Variants in KIAA0825 observed in about 807,000 individuals in gnomAD.
The protein encoded by KIAA0825 is KIAA0825.
In KIAA0825, 119 loss-of-function variants were observed where a neutral mutation model predicts 147.6. That is an observed-to-expected ratio of 0.81 (90% confidence interval 0.69 to 0.94). The LOEUF is 0.94. KIAA0825 is among the 40% of genes least tolerant of loss of function. The pLI, the probability that KIAA0825 is intolerant of heterozygous loss-of-function variation, is 0.00. For synonymous variants in KIAA0825, 470 were observed against 518.1 expected (o/e 0.91, Z 1.26); for missense variants, 1,381 against 1,472.7 (o/e 0.94, Z 1.02).
intron 20 of KIAA0825, among the ~76,000 whole-genome samples, chr5:94,337,794 G>A (rs1781965591): frequency 6.6e-6 from 1 of 152,182 alleles, no homozygotes; most frequent in Non-Finnish European, 1.5e-5. Context: ...TGGAGCTACA[G>A]GCAGGGCAGC....
intron 20 of KIAA0825, among the ~76,000 whole-genome samples, chr5:94,207,904 C>T (rs1245577589): frequency 1.3e-5 from 2 of 152,084 alleles, no homozygotes; most frequent in Admixed American, 1.3e-4. Flanking sequence ...AGATATTAGT[C>T]TTAAGTTAGG....
intron 20 of KIAA0825, among the ~76,000 whole-genome samples, chr5:94,281,198 A>AACACAT (rs1777447198): frequency 6.9e-6 from 1 of 145,024 alleles, no homozygotes; most frequent in Non-Finnish European, 1.5e-5. Context: ...TAAGTGATTT[A>AACACAT]ACACACACAC....
chr5:94,302,818 A>G (rs1032220472), intron 20 of KIAA0825, among the ~76,000 whole-genome samples: 3 of 152,054 alleles, frequency 2.0e-5, no homozygotes, highest in African/African-American at 4.8e-5. Flanking sequence ...CAAAGTTCTT[A>G]TTTTTAGCTT....
chr5:94,552,534 T>C (rs1322623243), intron 2 of KIAA0825, among the ~76,000 whole-genome samples: 1 of 152,120 alleles, frequency 6.6e-6, no homozygotes, highest in East Asian at 1.9e-4. Flanking sequence ...CAAAATATTT[T>C]AATAATTGAA....
chr5:94,408,330 T>A (rs1752333216), intron 15 of KIAA0825, among the ~76,000 whole-genome samples: 1 of 151,670 alleles, frequency 6.6e-6, no homozygotes, highest in Non-Finnish European at 1.5e-5. Flanking sequence ...CTTTTTTAAA[T>A]TTTATTTTAT....
chr5:94,466,426 A>G (rs1760506587), intron 10 of KIAA0825, among the ~76,000 whole-genome samples: 1 of 152,192 alleles, frequency 6.6e-6, no homozygotes, highest in Non-Finnish European at 1.5e-5. Flanking sequence ...TTAGATGTGC[A>G]TCTAAACTCT....
intron 1 of KIAA0825, chr5:94,593,878 C>A: frequency 7.7e-6 from 3 of 389,534 alleles, no homozygotes; most frequent in East Asian, 6.5e-5. Context: ...CTGCTATTTC[C>A]CTGCTCCCTT....
intron 15 of KIAA0825, among the ~76,000 whole-genome samples, chr5:94,404,362 A>C (rs1421318043): frequency 6.6e-6 from 1 of 152,168 alleles, no homozygotes; most frequent in Non-Finnish European, 1.5e-5. Flanking sequence ...ACATATATAA[A>C]ATAATTAAAA....
intron 20 of KIAA0825, among the ~76,000 whole-genome samples, chr5:94,297,352 T>G (rs925630306): frequency 1.2e-4 from 18 of 152,332 alleles, no homozygotes; most frequent in South Asian, 2.1e-4. Flanking sequence ...TACTTCAATG[T>G]CTTCTTCTAT....
At chr5:94,409,399 T>C (rs1752479417) in intron 15 of KIAA0825, among the ~76,000 whole-genome samples, 1 of 152,164 alleles carries the variant, frequency 6.6e-6, no homozygotes, top group Non-Finnish European at 1.5e-5. Context: ...CTGAATGTAC[T>C]TTCAGGATCC....
In KIAA0825 at chr5:94,473,365, A is replaced by C. The variant is rs141130352; in HGVS notation, c.1382T>G (p.Leu461Arg). Reference protein sequence around the residue: ...RSSAVSYAMNLVNVQQVWQDS... With the variant: ...RSSAVSYAMNRVNVQQVWQDS... Reference sequence around the variant, plus strand: ...TTGCCAAACTTGCTGGACATTTACAAGGTTCATAGCATAGCTCACAGCTGA... The same window carrying C: ...TTGCCAAACTTGCTGGACATTTACACGGTTCATAGCATAGCTCACAGCTGA... The change falls in exon 8 of 21, where the codon CTT (leucine) becomes CGT (arginine). Residue 461 changes from leucine to arginine, a missense_variant. Transcript: ENST00000682413. 6.4e-7 allele frequency: 1 copy of C among 1,551,938 alleles called. No homozygotes were observed. The highest frequency in any genetic ancestry group is 1.4e-5 in the African/African-American group (1 of 73,190).
chr5:94,241,599 A>G (rs13157152), intron 20 of KIAA0825, among the ~76,000 whole-genome samples: 1,756 of 152,350 alleles, frequency 0.012, 16 homozygotes, highest in Non-Finnish European at 0.018. Context: ...ATGAATCATC[A>G]TCTTTTTTCT....
intron 20 of KIAA0825, among the ~76,000 whole-genome samples, chr5:94,195,386 T>C (rs1009350939): frequency 2.0e-5 from 3 of 152,174 alleles, no homozygotes; most frequent in Non-Finnish European, 4.4e-5. Context: ...ATTTAAAAAT[T>C]AATTATTTTT....
At chr5:94,533,888 G>A (rs757725808) in intron 3 of KIAA0825, among the ~76,000 whole-genome samples, 19 of 152,166 alleles carry the variant, frequency 1.2e-4, no homozygotes, top group Non-Finnish European at 1.9e-4. Context: ...TTCTTGAAGG[G>A]CAGGTGAAGG....
chr5:94,292,924 G>A (rs1777966281), intron 20 of KIAA0825, among the ~76,000 whole-genome samples: 1 of 151,934 alleles, frequency 6.6e-6, no homozygotes, highest in Non-Finnish European at 1.5e-5. Context: ...ATTCTCTGGT[G>A]GTAGTTTGTA....
At chr5:94,419,385 T>G in intron 14 of KIAA0825, among the ~76,000 whole-genome samples, 1 of 152,188 alleles carries the variant, frequency 6.6e-6, no homozygotes, top group Admixed American at 6.5e-5. Context: ...TCCATTATCC[T>G]CATGTCCTTC....
chr5:94,454,909 T>G (rs530830768), intron 12 of KIAA0825, among the ~76,000 whole-genome samples: 2 of 152,248 alleles, frequency 1.3e-5, no homozygotes, highest in African/African-American at 4.8e-5. Flanking sequence ...CGAACAATAT[T>G]CATCTCCTAA....
intron 17 of KIAA0825, among the ~76,000 whole-genome samples, chr5:94,393,405 T>C (rs907624719): frequency 3.9e-5 from 6 of 152,242 alleles, no homozygotes; most frequent in Admixed American, 2.0e-4. Flanking sequence ...GCTTGAGTGT[T>C]ACTACAAAGT....
At chr5:94,428,204 A>T (rs1291118191) in intron 14 of KIAA0825, among the ~76,000 whole-genome samples, 1 of 140,404 alleles carries the variant, frequency 7.1e-6, no homozygotes, top group Admixed American at 7.3e-5. Flanking sequence ...TTTTAATTCA[A>T]CTTGTTACTC....
Sources: allele counts gnomAD v4.1 joint callset (sites outside exome capture counted in the v4.1 genomes callset), GRCh38; gene constraint gnomAD v4.1.1; transcripts MANE v1.5; gene names NCBI Gene and HGNC (gene_info 2026-07-23, HGNC 2026-07-21).